Variants in MTERF4 observed in about 807,000 individuals in gnomAD.
The protein encoded by MTERF4 is transcription termination factor 4, mitochondrial.
Under a neutral mutation model 22.5 loss-of-function variants are expected in MTERF4, and 17 were observed. The observed-to-expected ratio is 0.75, with a 90% CI of 0.52 to 1.13. The LOEUF (loss-of-function observed/expected upper bound fraction) is 1.13, where lower values mean the gene tolerates loss of function less well. Ranked by LOEUF, MTERF4 falls within the 50% of genes most tolerant of loss-of-function variation. The pLI is 0.00. For synonymous variants in MTERF4, 165 were observed against 175.3 expected, an observed-to-expected ratio of 0.94 and a Z score of 0.47; for missense variants, 420 against 466.8, an observed-to-expected ratio of 0.90 and a Z score of 0.92.
chr2:241,081,928 G>A, intron 4 of MTERF4: 2 of 693,500 alleles, frequency 2.9e-6, no homozygotes, highest in Non-Finnish European at 5.0e-6. Context: ...TGGTGCACGG[G>A]GCTGACCCCT....
rs191617877 is a variant in MTERF4 at position 241,078,156 on chromosome 2, G to A, written n.480-2474C>T. On this transcript the variant is annotated intron_variant and non_coding_transcript_variant, in intron 4 of 4. Coordinates refer to the MTERF4 transcript ENST00000464344. ...TCCCAGCACTTTGGGAGGCCGAGGC[G>A]GGCAGATCACCAGGTCAGGCGTTCG... is the stretch of plus-strand genomic sequence containing the variant. Among the ~76,000 whole-genome samples the A allele has an allele frequency of 5.7e-3, 864 of 150,272 alleles. 21 individuals carry two copies. The highest frequency in any genetic ancestry group is 0.02 in the African/African-American group (811 of 39,840).
chr2:241,091,526 C>CCCCGTGTGCACTGCCA (rs1279561073), downstream of MTERF4: 102 of 151,910 alleles, frequency 6.7e-4, no homozygotes, highest in African/African-American at 1.6e-3. This position sits in a 1 kb window ranked among gnomAD's most constrained non-coding sequence, Gnocchi z 4.1. Context: ...GTGGGGTCCT[C>CCCCGTGTGCACTGCCA]TGGGTGACAG....
the MTERF4 span, chr2:241,063,872 T>TG: frequency 1.4e-6 from 1 of 736,202 alleles, no homozygotes; most frequent in Non-Finnish European, 2.2e-6. Context: ...TGGGGAGGGC[T>TG]GAGGGGCGGG....
At chr2:241,070,318 G>T, downstream of MTERF4, 1 of 1,119,026 alleles carries the variant, frequency 8.9e-7, no homozygotes, top group Non-Finnish European at 1.2e-6. Context: ...CCTAGAAACA[G>T]GACCGTGTTA....
the MTERF4 span, chr2:241,051,590 G>A: frequency 1.1e-5 from 6 of 564,638 alleles, no homozygotes; most frequent in East Asian, 3.0e-5. The surrounding 1 kb of genome is among the most constrained non-coding windows in gnomAD (Gnocchi z 4.7). Flanking sequence ...CCATGTGTGC[G>A]GACCTGCTTG....
chr2:241,088,700 G>C, downstream of MTERF4: 1 of 423,646 alleles, frequency 2.4e-6, no homozygotes, highest in Middle Eastern at 6.2e-4. Flanking sequence ...GAAACCCCTA[G>C]ATCAGCTGCA....
At chr2:241,086,857 T>C (rs1348646659), downstream of MTERF4, among the ~76,000 whole-genome samples, 4 of 152,194 alleles carry the variant, frequency 2.6e-5, no homozygotes, top group African/African-American at 9.7e-5. Context: ...TATGAGTAGG[T>C]CCCATTTTTA....
At chr2:241,058,180 GCAT>G in the MTERF4 span, among the ~76,000 whole-genome samples, 13 of 152,224 alleles carry the variant, frequency 8.5e-5, 1 homozygote, top group East Asian at 2.1e-3. Flanking sequence ...AAGACGAAAA[GCAT>G]CATTAAGAAT....
downstream of MTERF4, chr2:241,088,730 G>A: frequency 2.8e-6 from 1 of 355,292 alleles, no homozygotes. Flanking sequence ...AGAGGCAGGG[G>A]GGTGGGCCCT....
chr2:241,097,547 G>T, intron 2 of MTERF4, 120 bp from the exon 3 acceptor site: 1 of 913,382 alleles, frequency 1.1e-6, no homozygotes, highest in Non-Finnish European at 1.7e-6. Context: ...TCCTTCCACA[G>T]AGCAAGTGGC....
In MTERF4 at chr2:241,096,757, A is replaced by G; in HGVS notation, c.706-319T>C. 1 of 550,964 alleles carries G rather than the reference A, an allele frequency of 1.8e-6. No homozygotes were observed. The allele number at this position is 550,964 out of a possible 1,614,324, so 34.1% of individuals were successfully genotyped here. On this transcript the variant is annotated intron_variant, in intron 3 of 3. Transcript: ENST00000391980. This position sits in a 1 kb window ranked among gnomAD's most constrained non-coding sequence, Gnocchi z 5.1. ...AAGGATGAATATGGAAAGAATAGGC[A>G]AAACATTCAGAAAACATCTAGAAAT...
At chr2:241,079,366 C>T (rs1021107885) in intron 4 of MTERF4, among the ~76,000 whole-genome samples, 11 of 150,636 alleles carry the variant, frequency 7.3e-5, no homozygotes, top group African/African-American at 1.7e-4. Flanking sequence ...GAGCCAAGAT[C>T]GCCCCACTGC....
chr2:241,062,719 A>C, the MTERF4 span: 2 of 962,466 alleles, frequency 2.1e-6, no homozygotes, highest in East Asian at 2.6e-5. Context: ...GCCCCTCAGG[A>C]CTAGTTTATG....
chr2:241,065,711 GCAAGACA>G, the MTERF4 span: 8 of 898,318 alleles, frequency 8.9e-6, no homozygotes, highest in Non-Finnish European at 1.3e-5. Context: ...TCTTGCAGCA[GCAAGACA>G]GACAGCTGAG....
At position 241,080,900 on chromosome 2, in the gene MTERF4, G is replaced by A. The variant is rs377144552; in HGVS notation, n.480-5218C>T. 8.7e-4 allele frequency among the ~76,000 whole-genome samples: 132 copies of A among 152,352 alleles called. 1 individual carries two copies. In the South Asian group the frequency reaches 0.02, roughly 23 times the overall value. ...AGGTGAGGGAAAGCCTGTCTTCACAGACCACTCTCCAGCTGGTGAGGGCAG... is the reference window on the plus strand; with the variant it reads ...AGGTGAGGGAAAGCCTGTCTTCACAAACCACTCTCCAGCTGGTGAGGGCAG... On this transcript the variant is annotated intron_variant and non_coding_transcript_variant, in intron 4 of 4. Coordinates refer to the MTERF4 transcript ENST00000464344.
At chr2:241,048,611 G>A in the MTERF4 span, 1 of 1,537,706 alleles carries the variant, frequency 6.5e-7, no homozygotes, top group Non-Finnish European at 8.8e-7. Flanking sequence ...GAGCGAGGGT[G>A]CCATCTTTCT....
chr2:241,054,817 TAAAAA>T, the MTERF4 span, among the ~76,000 whole-genome samples: 1 of 151,942 alleles, frequency 6.6e-6, no homozygotes, highest in Non-Finnish European at 1.5e-5. Context: ...GATAAATAAA[TAAAAA>T]AGAAAATGTT....
downstream of MTERF4, chr2:241,069,101 T>A (rs981734825): frequency 2.0e-6 from 2 of 999,500 alleles, no homozygotes; most frequent in Non-Finnish European, 2.9e-6. The surrounding 1 kb of genome is among the most constrained non-coding windows in gnomAD (Gnocchi z 4.9). Context: ...CCTCCCCTAG[T>A]CCTCTCCAAA....
downstream of MTERF4, chr2:241,090,215 T>C (rs991033607): frequency 1.4e-4 from 214 of 1,480,802 alleles, no homozygotes; most frequent in Middle Eastern, 2.2e-4. Context: ...TTTTTAATTG[T>C]TTTTTACTAT....
Sources: gnomAD v4.1 joint callset for allele counts (sites outside exome capture counted in the v4.1 genomes callset) on GRCh38, gnomAD v4.1.1 for gene constraint, Gnocchi (gnomAD v3.1) non-coding constraint, MANE v1.5 for transcripts, NCBI Gene and HGNC (gene_info 2026-07-23, HGNC 2026-07-21) for gene names.